Variants in THTPA observed in about 807,000 individuals in gnomAD.
The protein encoded by THTPA is thiamine triphosphatase.
In THTPA, 16 loss-of-function variants were observed where a neutral mutation model predicts 16.5. That is an observed-to-expected ratio of 0.97 (90% confidence interval 0.66 to 1.47). THTPA has a LOEUF of 1.47. Ranked by LOEUF, THTPA falls within the 40% of genes most tolerant of loss-of-function variation. THTPA has a pLI of 0.00. For missense variants in THTPA, 281 were observed against 280.9 expected (o/e 1.00, Z 0.00); for synonymous variants, 110 against 115.5 (o/e 0.95, Z 0.30).
chr14:23,532,897 C>T, the THTPA span: 1 of 1,536,228 alleles, frequency 6.5e-7, no homozygotes, highest in South Asian at 1.2e-5. Flanking sequence ...CCGGGAGGCT[C>T]CGGCCTATGC....
At chr14:23,553,892 T>C (rs762913604), upstream of THTPA, among the ~76,000 whole-genome samples, 1 of 151,514 alleles carries the variant, frequency 6.6e-6, no homozygotes, top group Non-Finnish European at 1.5e-5. Context: ...AGACTCCGTC[T>C]CAAACAAACA....
chr14:23,521,976 G>A, the THTPA span: 1 of 1,536,372 alleles, frequency 6.5e-7, no homozygotes, highest in Non-Finnish European at 8.7e-7. Context: ...AAAGCTAGAA[G>A]TGTAGAGGTA....
chr14:23,520,802 G>C, the THTPA span: 2 of 150,998 alleles, frequency 1.3e-5, no homozygotes, highest in East Asian at 2.0e-4. The surrounding 1 kb of genome is among the most constrained non-coding windows in gnomAD (Gnocchi z 8.7). Context: ...AACCGGGGGG[G>C]TGGGGGTGGG....
chr14:23,515,766 C>T, the THTPA span, among the ~76,000 whole-genome samples: 1 of 152,196 alleles, frequency 6.6e-6, no homozygotes, highest in South Asian at 2.1e-4. Context: ...CTGCTCAGGG[C>T]TGGGGAAGTT....
chr14:23,550,941 G>T, the THTPA span, among the ~76,000 whole-genome samples: 8 of 151,814 alleles, frequency 5.3e-5, no homozygotes, highest in Non-Finnish European at 7.4e-5. Context: ...ACAGCTCTGA[G>T]CCCTCACACT....
the THTPA span, among the ~76,000 whole-genome samples, chr14:23,539,871 A>G: frequency 1.3e-5 from 2 of 152,218 alleles, no homozygotes; most frequent in Non-Finnish European, 2.9e-5. Flanking sequence ...CTCCCCTCCA[A>G]AAAACAAAAC....
Position 23,558,813 on chromosome 14 carries a change from T to G in THTPA, c.666T>G (p.Thr222=). The change falls in exon 2 of 2, where the codon ACT becomes ACG. Residue 222 remains threonine, a synonymous_variant. Transcript: ENST00000288014. ...VNSSRERPQE[T]EDPDHCLG ...GCTCCAGAGAGAGGCCACAGGAGAC[T>G]GAAGATCCTGACCACTGCCTGGGCT... The G allele has an allele frequency of 6.2e-7, 1 of 1,614,060 alleles. No individual in the cohort carries two copies. The highest frequency in any genetic ancestry group is 2.2e-5 in the East Asian group (1 of 44,894).
chr14:23,559,966 T>C lies in THTPA; in HGVS notation c.*1126T>C. ...GTTAGGATTGAGGATTCTGAAGAGC[T>C]GGGTGATAGGAAGGCCACCCCGAGC... is the stretch of plus-strand genomic sequence containing the variant. On this transcript the variant is annotated 3_prime_UTR_variant, in exon 2 of 2. Coordinates refer to ENST00000288014, the MANE Select transcript of THTPA (RefSeq NM_024328.6). 6.2e-7 allele frequency: 1 copy of C among 1,613,382 alleles called. No individual in the cohort carries two copies. The highest frequency in any genetic ancestry group is 2.2e-5 in the East Asian group (1 of 44,882).
chr14:23,526,387 G>T, the THTPA span: 1 of 1,536,322 alleles, frequency 6.5e-7, no homozygotes, highest in South Asian at 1.2e-5. Context: ...GGGCAGGGTC[G>T]AGAAACTTGT....
At chr14:23,549,881 A>C in the THTPA span, among the ~76,000 whole-genome samples, 1 of 152,154 alleles carries the variant, frequency 6.6e-6, no homozygotes, top group African/African-American at 2.4e-5. Flanking sequence ...AAAATGCTGG[A>C]TAAGAGGAAA....
chr14:23,527,501 G>T, the THTPA span: 8 of 1,425,354 alleles, frequency 5.6e-6, no homozygotes, highest in African/African-American at 1.1e-4. Context: ...AATGCCCCCT[G>T]CCCCCAACAC....
chr14:23,521,259 G>A, the THTPA span: 1 of 152,468 alleles, frequency 6.6e-6, no homozygotes, highest in African/African-American at 2.4e-5. Flanking sequence ...AGAGGGTTAG[G>A]AGGGAGAGGG....
chr14:23,523,253 C>A, the THTPA span: 6 of 1,435,490 alleles, frequency 4.2e-6, no homozygotes, highest in Non-Finnish European at 5.5e-6. The surrounding 1 kb of genome is among the most constrained non-coding windows in gnomAD (Gnocchi z 4.1). Flanking sequence ...CAGAGCTGGG[C>A]CAGATAAGAG....
the THTPA span, among the ~76,000 whole-genome samples, chr14:23,545,455 GCCATCTCTCTGTGCTCTCTC>G: frequency 2.0e-5 from 3 of 152,056 alleles, no homozygotes; most frequent in East Asian, 5.8e-4. Context: ...TTAAATTGTG[GCCATCTCTCTGTGCTCTCTC>G]CCATCTCCAA....
At chr14:23,520,067 C>T in the THTPA span, among the ~76,000 whole-genome samples, 698 of 152,262 alleles carry the variant, frequency 4.6e-3, 4 homozygotes, top group African/African-American at 0.016. This position sits in a 1 kb window ranked among gnomAD's most constrained non-coding sequence, Gnocchi z 8.7. Context: ...GAATTTTCAC[C>T]TGATGGCTAC....
chr14:23,556,830 T>A lies in THTPA; in HGVS notation c.73T>A (p.Leu25Met). Residue 25 changes from leucine to methionine, a missense_variant, in exon 1 of 2, where the codon TTG (leucine) becomes ATG (methionine). Transcript: ENST00000288014. Reference sequence around the variant, plus strand: ...TGGCACAGAGGAGCGGCTGCAGGAGTTGGGGGGCACCCTGGAGTACCGGGT... The same window carrying A: ...TGGCACAGAGGAGCGGCTGCAGGAGATGGGGGGCACCCTGGAGTACCGGGT... Reference protein sequence around the residue: ...GPGTEERLQELGGTLEYRVTF... With the variant: ...GPGTEERLQEMGGTLEYRVTF... 1 of 1,612,476 alleles carries A rather than the reference T, an allele frequency of 6.2e-7. No individual in the cohort carries two copies. The highest frequency in any genetic ancestry group is 1.1e-5 in the South Asian group (1 of 90,914).
At chr14:23,532,707 G>A in the THTPA span, 1 of 1,533,774 alleles carries the variant, frequency 6.5e-7, no homozygotes, top group Non-Finnish European at 8.7e-7. Flanking sequence ...CCATCTCCCA[G>A]GGATGCTGGG....
chr14:23,542,490 A>G, the THTPA span, among the ~76,000 whole-genome samples: 1 of 152,144 alleles, frequency 6.6e-6, no homozygotes, highest in Non-Finnish European at 1.5e-5. Context: ...ATGTGTTAGG[A>G]CAGCAGTGTG....
the THTPA span, chr14:23,533,454 G>T: frequency 6.5e-7 from 1 of 1,534,562 alleles, no homozygotes; most frequent in Non-Finnish European, 8.7e-7. The surrounding 1 kb of genome is among the most constrained non-coding windows in gnomAD (Gnocchi z 4.8). Flanking sequence ...GGCTAGTGGG[G>T]GTAGCCCCTG....
Sources: gnomAD v4.1 joint callset for allele counts (sites outside exome capture counted in the v4.1 genomes callset) on GRCh38, gnomAD v4.1.1 for gene constraint, Gnocchi (gnomAD v3.1) non-coding constraint, MANE v1.5 for transcripts, NCBI Gene and HGNC (gene_info 2026-07-23, HGNC 2026-07-21) for gene names.